Variants in SPIDR observed in about 807,000 individuals in gnomAD.
SPIDR encodes the protein scaffold protein involved in DNA repair, also known as DNA repair-scaffolding protein.
SPIDR carries 93 observed loss-of-function variants against 104.6 expected under a neutral mutation model. The ratio of observed to expected loss-of-function variants is 0.89; its 90% CI spans 0.75 to 1.06. The LOEUF (loss-of-function observed/expected upper bound fraction) is 1.06. Among genes scored for constraint, SPIDR ranks in the 50% least tolerant of loss-of-function variants. SPIDR has a pLI of 0.00. For missense variants in SPIDR, 1,154 were observed against 1,111.2 expected (o/e 1.04, Z -0.55); for synonymous variants, 431 against 416.9 (o/e 1.03, Z -0.41).
chr8:47,592,387 G>C, intron 8 of SPIDR: 4 of 1,354,396 alleles, frequency 3.0e-6, no homozygotes, highest in Non-Finnish European at 4.2e-6. Context: ...ATAAATTTTG[G>C]TCATGAAACA....
chr8:47,484,293 G>T (rs918187045), intron 8 of SPIDR, among the ~76,000 whole-genome samples: 5 of 152,218 alleles, frequency 3.3e-5, no homozygotes, highest in African/African-American at 1.2e-4. Context: ...GTCTTTTAAG[G>T]GCTTTATACA....
intron 10 of SPIDR, among the ~76,000 whole-genome samples, chr8:47,643,127 A>G (rs1363470269): frequency 6.6e-6 from 1 of 152,174 alleles, no homozygotes; most frequent in African/African-American, 2.4e-5. Flanking sequence ...TACCTAGATA[A>G]CTGTTGAGGT....
intron 8 of SPIDR, among the ~76,000 whole-genome samples, chr8:47,473,026 G>T (rs1025611030): frequency 6.6e-6 from 1 of 152,188 alleles, no homozygotes; most frequent in East Asian, 1.9e-4. Context: ...ACCTGCGATT[G>T]CCTGGATGGT....
At chr8:47,699,489 G>C (rs144778597) in intron 11 of SPIDR, among the ~76,000 whole-genome samples, 1 of 152,320 alleles carries the variant, frequency 6.6e-6, no homozygotes, top group East Asian at 1.9e-4. Flanking sequence ...TCAGATCTAA[G>C]GTGAGAACCA....
chr8:47,456,989 C>T (rs2073092937), intron 8 of SPIDR, among the ~76,000 whole-genome samples: 1 of 152,130 alleles, frequency 6.6e-6, no homozygotes, highest in Non-Finnish European at 1.5e-5. Context: ...ACCACAGTTT[C>T]TTTATTGACT....
intron 11 of SPIDR, among the ~76,000 whole-genome samples, chr8:47,683,285 A>G (rs1395105185): frequency 2.6e-5 from 4 of 152,254 alleles, no homozygotes; most frequent in Non-Finnish European, 4.4e-5. Flanking sequence ...TTCTTTCAGC[A>G]AACAGCACCT....
intron 5 of SPIDR, among the ~76,000 whole-genome samples, chr8:47,340,315 C>T (rs74324846): frequency 1.2e-3 from 176 of 152,100 alleles, no homozygotes; most frequent in African/African-American, 3.4e-3. Flanking sequence ...GTACAATAAA[C>T]GTGAATAGGC....
intron 3 of SPIDR, among the ~76,000 whole-genome samples, chr8:47,288,461 T>G (rs2039283434): frequency 6.6e-6 from 1 of 152,116 alleles, no homozygotes; most frequent in African/African-American, 2.4e-5. Context: ...ATTTTTTGTA[T>G]TTTTAGTAGA....
chr8:47,535,910 A>G (rs1029760619), intron 8 of SPIDR, among the ~76,000 whole-genome samples: 19 of 152,188 alleles, frequency 1.2e-4, no homozygotes, highest in Non-Finnish European at 2.8e-4. Context: ...GTGATTGTGT[A>G]TGTAGAAATT....
At chr8:47,394,365 T>C (rs1396994829) in intron 5 of SPIDR, among the ~76,000 whole-genome samples, 1 of 152,190 alleles carries the variant, frequency 6.6e-6, no homozygotes, top group Non-Finnish European at 1.5e-5. Flanking sequence ...ACAAGCAGCA[T>C]GAATCCTCTT....
intron 5 of SPIDR, among the ~76,000 whole-genome samples, chr8:47,296,542 T>C (rs1400083285): frequency 6.6e-6 from 1 of 152,338 alleles, no homozygotes; most frequent in East Asian, 1.9e-4. Flanking sequence ...TTGTATATTC[T>C]TGGCACGTTT....
chr8:47,586,160 G>A (rs1198472859), intron 8 of SPIDR, among the ~76,000 whole-genome samples: 1 of 152,138 alleles, frequency 6.6e-6, no homozygotes. Context: ...GTTGTTGCCA[G>A]TTTGGGACTA....
chr8:47,436,102 C>G (rs1209697654), intron 7 of SPIDR, among the ~76,000 whole-genome samples: 1 of 152,160 alleles, frequency 6.6e-6, no homozygotes, highest in Non-Finnish European at 1.5e-5. Flanking sequence ...GGCTGCCATC[C>G]TTGCATGGCC....
At chr8:47,293,570 C>A (rs1472996950) in intron 4 of SPIDR, among the ~76,000 whole-genome samples, 31 of 152,124 alleles carry the variant, frequency 2.0e-4, no homozygotes, top group Non-Finnish European at 5.9e-5. Context: ...CCTCAGCCAC[C>A]TGAGTAGCTG....
intron 5 of SPIDR, among the ~76,000 whole-genome samples, chr8:47,385,750 G>A (rs1311529449): frequency 2.0e-5 from 3 of 152,020 alleles, no homozygotes; most frequent in Non-Finnish European, 4.4e-5. Context: ...GGAGTTTTTT[G>A]TACATCAAAG....
intron 10 of SPIDR, among the ~76,000 whole-genome samples, chr8:47,662,466 T>A (rs905858253): frequency 2.0e-5 from 3 of 152,182 alleles, no homozygotes; most frequent in Admixed American, 2.0e-4. Flanking sequence ...AGCACTACTT[T>A]GCACCTTCAC....
chr8:47,660,974 A>AG, intron 10 of SPIDR: 1 of 985,366 alleles, frequency 1.0e-6, no homozygotes, highest in Non-Finnish European at 1.2e-6. Flanking sequence ...ACTGGGTGTG[A>AG]AACAAATTCA....
chr8:47,437,843 G>A (rs952077960), intron 7 of SPIDR, among the ~76,000 whole-genome samples: 5 of 152,098 alleles, frequency 3.3e-5, no homozygotes, highest in Non-Finnish European at 5.9e-5. Flanking sequence ...ATTCCTCAGG[G>A]ATCTAGAACT....
intron 8 of SPIDR, among the ~76,000 whole-genome samples, chr8:47,541,956 A>G (rs2088252249): frequency 6.6e-6 from 1 of 152,092 alleles, no homozygotes; most frequent in African/African-American, 2.4e-5. Context: ...TTTATACTAT[A>G]CTTACCTAAT....
Sources: allele counts gnomAD v4.1 joint callset (sites outside exome capture counted in the v4.1 genomes callset), GRCh38; gene constraint gnomAD v4.1.1; transcripts MANE v1.5; gene names NCBI Gene and HGNC (gene_info 2026-07-23, HGNC 2026-07-21).